The following UPF2 variants were observed in gnomAD, a reference collection of about 807,000 sequenced individuals.
UPF2 encodes the protein UPF2 regulator of nonsense mediated mRNA decay.
A neutral mutation model predicts 141.4 loss-of-function variants in UPF2; 17 were observed. The observed-to-expected ratio is 0.12, with a 90% confidence interval of 0.08 to 0.18. The LOEUF (loss-of-function observed/expected upper bound fraction) is 0.18. UPF2 is among the 10% of genes least tolerant of loss of function. UPF2 has a pLI of 1.00. For synonymous variants in UPF2, 540 were observed against 498.0 expected, an observed-to-expected ratio of 1.08 and a Z score of -1.12; for missense variants, 1,152 against 1,515.9, an observed-to-expected ratio of 0.76 and a Z score of 3.99.
In UPF2 at chr10:12,009,404, T is replaced by A. The variant is rs533916285; in HGVS notation, c.1306+4620A>T. Reference sequence around the variant, plus strand: ...CACTAATGTATTAAAATGAAAAAAATCTAAGACATGATTAACTGGAAAAAG... The same window carrying A: ...CACTAATGTATTAAAATGAAAAAAAACTAAGACATGATTAACTGGAAAAAG... On this transcript the variant is annotated intron_variant, in intron 4 of 21. Coordinates refer to ENST00000357604, the MANE Select transcript of UPF2 (RefSeq NM_015542.4). 2.1e-3 allele frequency among the ~76,000 whole-genome samples: 318 copies of A among 152,126 alleles called. No individual in the cohort carries two copies. In the Middle Eastern group the frequency reaches 0.027, roughly 13 times the overall value.
intron 8 of UPF2, among the ~76,000 whole-genome samples, chr10:11,987,564 C>T (rs112829228): frequency 9.9e-5 from 15 of 151,676 alleles, no homozygotes; most frequent in African/African-American, 3.4e-4. Flanking sequence ...TCATGACCAG[C>T]CTGGCCAACA....
chr10:12,034,805 A>T (rs1440139885), intron 2 of UPF2, among the ~76,000 whole-genome samples: 1 of 152,148 alleles, frequency 6.6e-6, no homozygotes, highest in Non-Finnish European at 1.5e-5. Context: ...ATTCCGTCTC[A>T]AAATAAATAA....
intron 3 of UPF2, among the ~76,000 whole-genome samples, chr10:12,018,006 T>C (rs1834254231): frequency 6.6e-6 from 1 of 152,246 alleles, no homozygotes; most frequent in Admixed American, 6.5e-5. Flanking sequence ...ACTTCTGTTA[T>C]ATATAAAACT....
At position 11,947,786 on chromosome 10, in the gene UPF2, C is replaced by CAAAAAAAAA. The variant is rs58897556; in HGVS notation, c.3174+574_3174+582dup. On this transcript the variant is annotated intron_variant, in intron 16 of 21. Transcript: ENST00000357604. Reference sequence around the variant, plus strand: ...TTGGCAACAGAGAGAAACCTTGTCTCAAAAAAAAAAAAAAAAAAAAAAAGA... The same window carrying CAAAAAAAAA: ...TTGGCAACAGAGAGAAACCTTGTCTCAAAAAAAAAAAAAAAAAAAAAAAAAAAAAAAAGA... 1.8e-4 allele frequency among the ~76,000 whole-genome samples: 12 copies of CAAAAAAAAA among 65,574 alleles called. 1 individual carries two copies. Among genetic ancestry groups the CAAAAAAAAA allele is most frequent in the African/African-American group, 7.0e-4 (12 of 17,112 alleles). 43.0% of individuals were successfully genotyped at this position (65,574 alleles called of 152,430 possible).
intron 4 of UPF2, among the ~76,000 whole-genome samples, chr10:12,013,154 A>G (rs950652466): frequency 7.2e-5 from 11 of 151,800 alleles, no homozygotes; most frequent in African/African-American, 2.4e-4. Context: ...AATTATGTAC[A>G]TTATTATATA....
chr10:11,987,887 T>C (rs1833719792), intron 8 of UPF2, among the ~76,000 whole-genome samples: 1 of 150,498 alleles, frequency 6.6e-6, no homozygotes, highest in Admixed American at 6.7e-5. Context: ...CTGCTTCAGA[T>C]CAAACCTTTA....
chr10:12,038,745 AC>A (rs1482656655), intron 1 of UPF2, among the ~76,000 whole-genome samples: 1 of 152,020 alleles, frequency 6.6e-6, no homozygotes, highest in Non-Finnish European at 1.5e-5. Flanking sequence ...ACAAAAAAAA[AC>A]AACAACAACA....
At chr10:11,941,795 G>A (rs1328886079) in intron 18 of UPF2, among the ~76,000 whole-genome samples, 1 of 152,168 alleles carries the variant, frequency 6.6e-6, no homozygotes, top group Non-Finnish European at 1.5e-5. Context: ...GCTGAAGTAA[G>A]CAGTCTAAGA....
In UPF2 at chr10:11,997,675, T is replaced by G; in HGVS notation, c.1841A>C (p.Gln614Pro). 1 of 1,613,646 alleles carries G rather than the reference T, an allele frequency of 6.2e-7. No homozygotes were observed. The highest frequency in any genetic ancestry group is 8.5e-7 in the Non-Finnish European group (1 of 1,179,716). The part of the protein sequence containing the change: ...LVRALFIVPR[Q>P]RLDLLPFYAR... The stretch of plus-strand genomic sequence containing the variant: ...ATTTCTCTTTCATAACACTTACCTT[T>G]GTCTAGGAACTATGAAGAGTGCCCG... The change falls in exon 8 of 22, where the codon CAA (glutamine) becomes CCA (proline). Residue 614 changes from glutamine to proline, a missense_variant. Transcript: ENST00000357604.
intron 4 of UPF2, among the ~76,000 whole-genome samples, chr10:12,012,858 C>T (rs1834155147): frequency 6.7e-6 from 1 of 149,946 alleles, no homozygotes; most frequent in Non-Finnish European, 1.5e-5. Context: ...TGAATAAGAG[C>T]CTGGGTGCAG....
rs777303734 is a variant in UPF2 at position 12,016,883 on chromosome 10, G to A, written c.1146-2699C>T. Among the ~76,000 whole-genome samples, 5 of 151,840 alleles carry A rather than the reference G, an allele frequency of 3.3e-5. No homozygotes were observed. The highest frequency in any genetic ancestry group is 7.4e-5 in the Non-Finnish European group (5 of 67,994). ...AAAAACATAAAAATTAGCCGGGCAC[G>A]ATGGTGGGTGCCTGTAATCCTAGCT... On this transcript the variant is annotated intron_variant, in intron 3 of 21. Transcript: ENST00000357604. This position sits in a 1 kb window ranked among gnomAD's most constrained non-coding sequence, Gnocchi z 4.1.
intron 8 of UPF2, among the ~76,000 whole-genome samples, chr10:11,987,819 G>C (rs1833718648): frequency 7.1e-6 from 1 of 140,746 alleles, no homozygotes; most frequent in Admixed American, 7.2e-5. Context: ...AGTGTTTTGA[G>C]ATTTTTTTTC....
In UPF2 at chr10:12,008,584, C is replaced by T. The variant is rs113461843; in HGVS notation, c.1307-3857G>A. Among the ~76,000 whole-genome samples the T allele has an allele frequency of 1.7e-3, 234 of 137,842 alleles. 1 individual carries two copies. The highest frequency in any genetic ancestry group is 5.9e-3 in the African/African-American group (216 of 36,766). The allele number at this position is 137,842 out of a possible 152,430, so 90.4% of individuals were successfully genotyped here. A position where few individuals can be genotyped will look rare whatever the true frequency, so the allele number is the denominator to read the frequency against. On this transcript the variant is annotated intron_variant, in intron 4 of 21. Coordinates refer to ENST00000357604, the MANE Select transcript of UPF2 (RefSeq NM_015542.4). ...GGCGGAGCTTGCAGTGAGCTTAGAT[C>T]GCACCACTGTACTCCAGCCTGGGTG...
In UPF2 at chr10:11,931,003, T is replaced by G. The variant is rs1832776338; in HGVS notation, c.3688+638A>C. Among the ~76,000 whole-genome samples the G allele has an allele frequency of 6.6e-6, 1 of 152,192 alleles. No homozygotes were observed. Among genetic ancestry groups the G allele is most frequent in the Non-Finnish European group, 1.5e-5 (1 of 68,038 alleles). The stretch of plus-strand genomic sequence containing the variant: ...TCTCCATGGACTCGATGTGTAAGGT[T>G]CCAACTAACTGAAAAATGCTGGGTA... On this transcript the variant is annotated intron_variant, in intron 20 of 21. Coordinates refer to ENST00000357604, the MANE Select transcript of UPF2 (RefSeq NM_015542.4). The surrounding 1 kb of genome is among the most constrained non-coding windows in gnomAD (Gnocchi z 5.9).
chr10:11,922,262 C>G (rs117611038), intron 21 of UPF2, among the ~76,000 whole-genome samples: 1,669 of 152,334 alleles, frequency 0.011, 112 homozygotes, highest in Admixed American at 0.097. Flanking sequence ...GTCGTTTAAG[C>G]TACTAGGGCT....
chr10:12,007,374 T>C (rs1452151720), intron 4 of UPF2, among the ~76,000 whole-genome samples: 2 of 152,190 alleles, frequency 1.3e-5, no homozygotes, highest in African/African-American at 4.8e-5. Flanking sequence ...ATAATATGCA[T>C]AAATATTTTG....
At chr10:12,013,705 G>T (rs1026132039) in intron 4 of UPF2, among the ~76,000 whole-genome samples, 1 of 151,934 alleles carries the variant, frequency 6.6e-6, no homozygotes, top group Non-Finnish European at 1.5e-5. Flanking sequence ...TTCCATTCAG[G>T]GATCATTTCA....
intron 9 of UPF2, among the ~76,000 whole-genome samples, chr10:11,978,327 G>C (rs1438208440): frequency 6.6e-6 from 1 of 152,160 alleles, no homozygotes; most frequent in East Asian, 1.9e-4. Context: ...AACTACAATT[G>C]AATTTCATGT....
At chr10:11,978,863 A>G (rs536689931) in intron 9 of UPF2, among the ~76,000 whole-genome samples, 194 bp downstream of exon 9, 1 of 152,216 alleles carries the variant, frequency 6.6e-6, no homozygotes, top group South Asian at 2.1e-4. Context: ...CTCACCTCCC[A>G]ACCAGAATAT....
Sources: allele counts gnomAD v4.1 joint callset (sites outside exome capture counted in the v4.1 genomes callset), GRCh38; gene constraint gnomAD v4.1.1; non-coding constraint Gnocchi (gnomAD v3.1); transcripts MANE v1.5; gene names NCBI Gene and HGNC (gene_info 2026-07-23, HGNC 2026-07-21).